Variants in MRLN observed in about 807,000 individuals in gnomAD.
MRLN encodes myoregulin.
chr10:59,740,879 C>G (rs933845074), intron 1 of MRLN, among the ~76,000 whole-genome samples: 2 of 151,294 alleles, frequency 1.3e-5, no homozygotes, highest in Non-Finnish European at 1.5e-5. Context: ...CACACTGCAA[C>G]CTCTTCCTCC....
At chr10:59,739,532 A>T (rs1319987001) in intron 1 of MRLN, 1 of 152,242 alleles carries the variant, frequency 6.6e-6, no homozygotes, top group Non-Finnish European at 1.5e-5. Context: ...AAAAGTCTGT[A>T]CATATGCAAT....
At chr10:59,741,602 C>A (rs1840984550) in intron 1 of MRLN, among the ~76,000 whole-genome samples, 1 of 151,876 alleles carries the variant, frequency 6.6e-6, no homozygotes. Flanking sequence ...CAGGCTGATA[C>A]TGAAGCCCTG....
intron 2 of MRLN, among the ~76,000 whole-genome samples, 187 bp from the exon 3 acceptor site, chr10:59,737,407 G>T (rs1406503862): frequency 6.6e-6 from 1 of 152,072 alleles, no homozygotes; most frequent in African/African-American, 2.4e-5. Flanking sequence ...ACCACTTTCT[G>T]TCAAAATCAC....
intron 1 of MRLN, among the ~76,000 whole-genome samples, chr10:59,749,076 C>T (rs1685199388): frequency 6.6e-6 from 1 of 152,188 alleles, no homozygotes; most frequent in Admixed American, 6.5e-5. Context: ...ACTCTGCAGC[C>T]TTGGACAAAG....
intron 1 of MRLN, among the ~76,000 whole-genome samples, chr10:59,747,071 A>G (rs1469573853): frequency 1.3e-5 from 2 of 152,244 alleles, no homozygotes; most frequent in Non-Finnish European, 2.9e-5. Context: ...AAGTGCTGGG[A>G]TTACAGGCGT....
At chr10:59,752,158 GT>G (rs544701069) in intron 1 of MRLN, among the ~76,000 whole-genome samples, 35 of 152,118 alleles carry the variant, frequency 2.3e-4, no homozygotes, top group Non-Finnish European at 3.1e-4. Flanking sequence ...CATTTGCATG[GT>G]TTACACTATT....
At chr10:59,750,834 G>A (rs1463348058) in intron 1 of MRLN, among the ~76,000 whole-genome samples, 5 of 152,224 alleles carry the variant, frequency 3.3e-5, no homozygotes, top group Non-Finnish European at 5.9e-5. Context: ...TCCTTTGAGT[G>A]GTGCGAGGAT....
At chr10:59,738,951 C>A (rs1485121186) in intron 1 of MRLN, 2 of 152,068 alleles carry the variant, frequency 1.3e-5, no homozygotes, top group African/African-American at 4.8e-5. Context: ...GAAACCCCGT[C>A]TCTACTAAAA....
Position 59,740,199 on chromosome 10 carries a change from T to C in MRLN, c.-124-1637A>G, listed in dbSNP as rs141315202. 8.5e-3 allele frequency among the ~76,000 whole-genome samples: 1,293 copies of C among 152,306 alleles called. 9 individuals are homozygous for C. The highest frequency in any genetic ancestry group is 0.014 in the Non-Finnish European group (935 of 68,022). The stretch of plus-strand genomic sequence containing the variant: ...TGCATTACTCATGTGTTTGTGGTGA[T>C]GCTGCTATAAACAAACCTACAGCAC... On this transcript the variant is annotated intron_variant, in intron 1 of 2. Transcript: ENST00000414264.
chr10:59,742,840 C>T (rs527655707), intron 1 of MRLN, among the ~76,000 whole-genome samples: 4 of 152,114 alleles, frequency 2.6e-5, no homozygotes, highest in African/African-American at 9.6e-5. Context: ...GCAATCCTCC[C>T]ACCTCAGCCT....
At chr10:59,739,761 A>T (rs1840961664) in intron 1 of MRLN, 1 of 152,262 alleles carries the variant, frequency 6.6e-6, no homozygotes, top group Non-Finnish European at 1.5e-5. Flanking sequence ...CTGCATAATG[A>T]CTTGAGTCAA....
chr10:59,750,627 C>T (rs535283959), intron 1 of MRLN, among the ~76,000 whole-genome samples: 1 of 152,330 alleles, frequency 6.6e-6, no homozygotes, highest in African/African-American at 2.4e-5. Flanking sequence ...GGGCACTGAA[C>T]ATTACGAAAT....
chr10:59,747,661 G>A (rs572115367), intron 1 of MRLN, among the ~76,000 whole-genome samples: 31 of 152,184 alleles, frequency 2.0e-4, no homozygotes, highest in Admixed American at 5.9e-4. Flanking sequence ...ATGTATTTCC[G>A]ACTTGTCCGT....
At chr10:59,752,542 C>T (rs1295570672) in intron 1 of MRLN, among the ~76,000 whole-genome samples, 1 of 152,184 alleles carries the variant, frequency 6.6e-6, no homozygotes, top group Non-Finnish European at 1.5e-5. Flanking sequence ...CCTTCCAGTT[C>T]CCTGTCATGC....
At chr10:59,742,174 T>C (rs190625149) in intron 1 of MRLN, among the ~76,000 whole-genome samples, 148 of 152,306 alleles carry the variant, frequency 9.7e-4, no homozygotes, top group African/African-American at 3.3e-3. Context: ...TGGAAACAAC[T>C]TAAATGCCAT....
intron 1 of MRLN, among the ~76,000 whole-genome samples, chr10:59,748,093 T>TG (rs777530843): frequency 1.7e-3 from 241 of 146,012 alleles, no homozygotes; most frequent in Non-Finnish European, 2.9e-3. Context: ...TTTCTTTTGT[T>TG]TTTTTTTTTT....
At position 59,749,565 on chromosome 10, in the gene MRLN, G is replaced by C. The variant is rs191531220; in HGVS notation, c.-125+3789C>G. Among the ~76,000 whole-genome samples the C allele has an allele frequency of 2.6e-5, 4 of 152,038 alleles. 1 individual carries two copies. The highest frequency in any genetic ancestry group is 7.2e-5 in the African/African-American group (3 of 41,408). The stretch of plus-strand genomic sequence containing the variant: ...AAAAATTAGCTGGGCGTGGTGGTTC[G>C]CACCTGTAGTCTCAGCTACTCAGGA... On this transcript the variant is annotated intron_variant, in intron 1 of 2. Transcript: ENST00000414264.
intron 1 of MRLN, among the ~76,000 whole-genome samples, chr10:59,748,434 G>A (rs1056932268): frequency 6.6e-6 from 1 of 152,124 alleles, no homozygotes; most frequent in African/African-American, 2.4e-5. Context: ...ACTTATCAAT[G>A]ACATGAACAT....
At chr10:59,739,483 G>C (rs1840958752) in intron 1 of MRLN, 1 of 152,246 alleles carries the variant, frequency 6.6e-6, no homozygotes, top group South Asian at 2.1e-4. Flanking sequence ...TATGTAAATA[G>C]CTGTTATGCT....
Sources: allele counts gnomAD v4.1 joint callset (sites outside exome capture counted in the v4.1 genomes callset), GRCh38; gene constraint gnomAD v4.1.1; transcripts MANE v1.5; gene names NCBI Gene and HGNC (gene_info 2026-07-23, HGNC 2026-07-21).